The following MET variants were observed in gnomAD, a reference collection of about 807,000 sequenced individuals.
MET encodes the protein hepatocyte growth factor receptor.
A neutral mutation model predicts 133.1 loss-of-function variants in MET; 48 were observed. That is an observed-to-expected ratio of 0.36 (90% CI 0.29 to 0.46). MET has a LOEUF of 0.46. Ranked by LOEUF, MET falls within the 20% of genes least tolerant of loss-of-function variation. The probability of loss-of-function intolerance (pLI) is 1.00; values close to 1 mark genes in which losing one functional copy is unlikely to be tolerated. For missense variants in MET, 1,442 were observed against 1,695.9 expected, an observed-to-expected ratio of 0.85 and a Z score of 2.63; for synonymous variants, 628 against 616.5, an observed-to-expected ratio of 1.02 and a Z score of -0.28.
In MET at chr7:116,703,263, G is replaced by C. The variant is rs61038471; in HGVS notation, c.1200+2979G>C. Among the ~76,000 whole-genome samples the C allele has an allele frequency of 8.1e-3, 1,234 of 152,124 alleles. 12 individuals carry two copies. The highest frequency in any genetic ancestry group is 0.028 in the African/African-American group (1,166 of 41,504). ...TCCTCACAATGTGTCCATTTTTTATGTTGCTTTTGAAAGTGATTCTAAAGA... is the reference window on the plus strand; with the variant it reads ...TCCTCACAATGTGTCCATTTTTTATCTTGCTTTTGAAAGTGATTCTAAAGA... On this transcript the variant is annotated intron_variant, in intron 2 of 20. Coordinates refer to ENST00000397752, the MANE Select transcript of MET (RefSeq NM_000245.4).
intron 1 of MET, among the ~76,000 whole-genome samples, chr7:116,683,864 G>A (rs1194177006): frequency 6.6e-6 from 1 of 152,044 alleles, no homozygotes; most frequent in Non-Finnish European, 1.5e-5. Context: ...AAACATAAAG[G>A]TTAGATTCTA....
At chr7:116,779,153 T>C (rs1795080542) in intron 17 of MET, among the ~76,000 whole-genome samples, 196 bp downstream of exon 17, 1 of 152,214 alleles carries the variant, frequency 6.6e-6, no homozygotes, top group African/African-American at 2.4e-5. Context: ...CCTGGAGCAA[T>C]GATTCTTACT....
intron 19 of MET, among the ~76,000 whole-genome samples, chr7:116,785,618 G>T (rs1424919208): frequency 6.6e-6 from 1 of 152,180 alleles, no homozygotes; most frequent in Admixed American, 6.5e-5. Flanking sequence ...TTCAACATGA[G>T]ATTTGAATGG....
intron 5 of MET, among the ~76,000 whole-genome samples, chr7:116,753,964 C>T (rs1186805665): frequency 1.3e-5 from 2 of 152,096 alleles, no homozygotes; most frequent in African/African-American, 2.4e-5. Context: ...AACAAGACCC[C>T]GTCTCTACAG....
intron 11 of MET, among the ~76,000 whole-genome samples, chr7:116,764,089 G>C (rs970615851): frequency 6.6e-6 from 1 of 152,104 alleles, no homozygotes; most frequent in Non-Finnish European, 1.5e-5. Context: ...CAATAGGATA[G>C]TCTTTATTTG....
rs555099334 is a variant in MET at position 116,795,771 on chromosome 7, C to T, written c.3915C>T (p.Pro1305=). Residue 1305 remains proline (P), a synonymous_variant, in exon 20 of 21, where the codon CCC becomes CCT. Transcript: ENST00000397752. ...TGCAAGGGAGAAGACTCCTACAACCCGAATACTGCCCAGACCCCTTGTAAG... is the reference window on the plus strand; with the variant it reads ...TGCAAGGGAGAAGACTCCTACAACCTGAATACTGCCCAGACCCCTTGTAAG... ...YLLQGRRLLQ[P]EYCPDPLYEV... 3.3e-5 allele frequency: 54 copies of T among 1,614,136 alleles called. No individual in the cohort carries two copies. In the South Asian group the frequency reaches 5.4e-4, roughly 16 times the overall value.
chr7:116,789,223 C>T (rs1038247061), intron 19 of MET, among the ~76,000 whole-genome samples: 1 of 152,130 alleles, frequency 6.6e-6, no homozygotes, highest in African/African-American at 2.4e-5. Flanking sequence ...GTAGCTGTCT[C>T]CCAGGATTTT....
At chr7:116,787,239 G>A (rs1016251516) in intron 19 of MET, among the ~76,000 whole-genome samples, 13 of 152,256 alleles carry the variant, frequency 8.5e-5, no homozygotes, top group African/African-American at 2.9e-4. Context: ...GCAGGTGAAG[G>A]CAAAAGATAG....
At chr7:116,794,472 A>T (rs571717363) in intron 19 of MET, among the ~76,000 whole-genome samples, 1 of 152,348 alleles carries the variant, frequency 6.6e-6, no homozygotes, top group East Asian at 1.9e-4. Flanking sequence ...GCAGCCATCA[A>T]GGGTTCTTGC....
chr7:116,774,316 G>A (rs1162570264), intron 14 of MET, among the ~76,000 whole-genome samples: 6 of 152,264 alleles, frequency 3.9e-5, no homozygotes, highest in Non-Finnish European at 1.5e-5. Context: ...CTAAACAACA[G>A]TAACACTAAA....
chr7:116,759,925 G>A (rs1383207917), intron 10 of MET, among the ~76,000 whole-genome samples: 1 of 152,080 alleles, frequency 6.6e-6, no homozygotes, highest in African/African-American at 2.4e-5. Context: ...ACAGGCACGA[G>A]CCATCATGCC....
intron 2 of MET, among the ~76,000 whole-genome samples, chr7:116,726,177 A>ATATACACACACACATGCATATACATATG (rs1792776256): frequency 3.9e-5 from 5 of 126,722 alleles, no homozygotes; most frequent in East Asian, 2.5e-4. Flanking sequence ...ATATATATAT[A>ATATACACACACACATGCATATACATATG]TGGGATATAA....
intron 1 of MET, among the ~76,000 whole-genome samples, chr7:116,685,889 T>G (rs1167912597): frequency 6.6e-6 from 1 of 151,998 alleles, no homozygotes; most frequent in African/African-American, 2.4e-5. Flanking sequence ...TAAATCCGGA[T>G]GGAGTTCGAT....
At chr7:116,771,434 A>C (rs762496200) in intron 12 of MET, 64 bp from the exon 13 acceptor site, 1 of 1,601,622 alleles carries the variant, frequency 6.2e-7, no homozygotes, top group Non-Finnish European at 8.5e-7. Flanking sequence ...AAAGTGCTAC[A>C]ACCTGTGTAG....
rs370499060 is a variant in MET, at chr7:116,699,230, A to C, written c.146A>C (p.Glu49Ala). ...TATCAGCTTCCCAACTTCACCGCGG[A>C]AACACCCATCCAGAATGTCATTCTA... ...MKYQLPNFTA[E>A]TPIQNVILHE... is the part of the protein sequence containing the mutation. The change falls in exon 2 of 21, where the codon GAA (glutamate) becomes GCA (alanine). Residue 49 changes from glutamate (E) to alanine (A), a missense_variant. Coordinates refer to ENST00000397752, the MANE Select transcript of MET (RefSeq NM_000245.4). The C allele has an allele frequency of 6.2e-7, 1 of 1,613,968 alleles. No homozygotes were observed. The highest frequency in any genetic ancestry group is 1.3e-5 in the African/African-American group (1 of 75,016).
In MET at chr7:116,672,256, C is replaced by T. The variant is rs1236159398; in HGVS notation, c.-336C>T. 1 of 166,406 alleles carries T rather than the reference C, an allele frequency of 6.0e-6. No homozygotes were observed. The highest frequency in any genetic ancestry group is 1.3e-5 in the Non-Finnish European group (1 of 78,236). The allele number at this position is 166,406 out of a possible 1,614,324, so 10.3% of individuals were successfully genotyped here. A position where few individuals can be genotyped will look rare whatever the true frequency, so the allele number is the denominator to read the frequency against. On this transcript the variant is annotated 5_prime_UTR_variant, in exon 1 of 21. Coordinates refer to ENST00000397752, the MANE Select transcript of MET (RefSeq NM_000245.4). ...TCTGGTCGCCTGGCGGTGCCTCCGGCCCCAACGCGCCCGGGCCGCCGCGGG... is the reference window on the plus strand; with the variant it reads ...TCTGGTCGCCTGGCGGTGCCTCCGGTCCCAACGCGCCCGGGCCGCCGCGGG...
chr7:116,686,952 T>C lies in MET; in HGVS notation c.-14-12119T>C, dbSNP rs115313396. On this transcript the variant is annotated intron_variant, in intron 1 of 20. Transcript: ENST00000397752. ...GTAGTATCCCCTCTGAAATACTCCT[T>C]GGCCCCGCTTTCTGTCTGCATAGTT... Among the ~76,000 whole-genome samples the C allele has an allele frequency of 3.5e-3, 540 of 152,340 alleles. 3 individuals carry two copies. The highest frequency in any genetic ancestry group is 0.012 in the African/African-American group (517 of 41,578).
rs112849331 is a variant in MET, at chr7:116,703,141, T to A, written c.1200+2857T>A. Among the ~76,000 whole-genome samples, 1,205 of 152,300 alleles carry A rather than the reference T, an allele frequency of 7.9e-3. 22 individuals carry two copies. Among genetic ancestry groups the A allele is most frequent in the African/African-American group, 0.027 (1,117 of 41,570 alleles). On this transcript the variant is annotated intron_variant, in intron 2 of 20. Coordinates refer to ENST00000397752, the MANE Select transcript of MET (RefSeq NM_000245.4). Reference sequence around the variant, plus strand: ...CAGAACTCTTTGTCTCCACATATGATGCTGTTTCTGGAAACTTATCCCAAG... The same window carrying A: ...CAGAACTCTTTGTCTCCACATATGAAGCTGTTTCTGGAAACTTATCCCAAG...
At chr7:116,685,493 C>G (rs1162527833) in intron 1 of MET, among the ~76,000 whole-genome samples, 1 of 151,990 alleles carries the variant, frequency 6.6e-6, no homozygotes, top group Non-Finnish European at 1.5e-5. Context: ...CAAGACCAGC[C>G]TGGCCAACAT....
Sources: gnomAD v4.1 joint callset for allele counts (sites outside exome capture counted in the v4.1 genomes callset) on GRCh38, gnomAD v4.1.1 for gene constraint, MANE v1.5 for transcripts, NCBI Gene and HGNC (gene_info 2026-07-23, HGNC 2026-07-21) for gene names.